The following DNM3 variants were observed in gnomAD, a reference collection of about 807,000 sequenced individuals.
The protein encoded by DNM3 is dynamin 3, also known as dynamin-3.
Under a neutral mutation model 101.6 loss-of-function variants are expected in DNM3, and 47 were observed. The ratio of observed to expected loss-of-function variants is 0.46; its 90% CI spans 0.37 to 0.59. DNM3 has a LOEUF of 0.59. Among genes scored for constraint, DNM3 ranks in the 20% least tolerant of loss-of-function variants. DNM3 has a pLI of 0.00. For missense variants in DNM3, 849 were observed against 1,085.7 expected (o/e 0.78, Z 3.06); for synonymous variants, 385 against 387.9 (o/e 0.99, Z 0.09).
intron 12 of DNM3, among the ~76,000 whole-genome samples, chr1:172,088,806 G>A (rs2147793103): frequency 6.6e-6 from 1 of 152,288 alleles, no homozygotes; most frequent in Middle Eastern, 3.4e-3. Context: ...CAATGGTATA[G>A]GATTTATTTG....
chr1:172,409,057 T>C lies in DNM3; in HGVS notation c.*1216T>C. 1.0e-6 allele frequency: 1 copy of C among 985,366 alleles called. No individual in the cohort carries two copies. 61.0% of individuals were successfully genotyped at this position (985,366 alleles called of 1,614,324 possible). A position where few individuals can be genotyped will look rare whatever the true frequency, so the allele number is the denominator to read the frequency against. On this transcript the variant is annotated 3_prime_UTR_variant, in exon 21 of 21. Transcript: ENST00000627582. ...TGCAATTTCTTAAGATTTCTAAAAT[T>C]TACCAGAACAGTTTAGCCTGGGGGT... is the stretch of plus-strand genomic sequence containing the variant.
chr1:172,022,978 C>T (rs574763933), intron 4 of DNM3, among the ~76,000 whole-genome samples: 26 of 152,180 alleles, frequency 1.7e-4, no homozygotes, highest in Non-Finnish European at 3.5e-4. Flanking sequence ...ATTCTTTCTT[C>T]CATGATATTG....
chr1:172,213,517 C>CAAAAAAAAAAAA (rs57339395), intron 14 of DNM3, among the ~76,000 whole-genome samples: 1 of 79,380 alleles, frequency 1.3e-5, no homozygotes, highest in African/African-American at 4.6e-5. Flanking sequence ...TCCATTGTTA[C>CAAAAAAAAAAAA]AAAAAAAAAA....
intron 16 of DNM3, 151 bp from the exon 17 acceptor site, chr1:172,323,178 A>G (rs1170394558): frequency 6.3e-6 from 5 of 787,444 alleles, no homozygotes; most frequent in Non-Finnish European, 9.8e-6. Context: ...GTGAATAGTT[A>G]AATCATTTGT....
At chr1:171,955,668 T>C (rs1259306287) in intron 2 of DNM3, among the ~76,000 whole-genome samples, 1 of 152,142 alleles carries the variant, frequency 6.6e-6, no homozygotes, top group Admixed American at 6.5e-5. Flanking sequence ...GAGGCATAGG[T>C]AGCATTAAAG....
At chr1:172,066,080 A>T (rs746089345) in intron 10 of DNM3, among the ~76,000 whole-genome samples, 13 of 152,156 alleles carry the variant, frequency 8.5e-5, no homozygotes, top group Non-Finnish European at 1.5e-4. Context: ...GGAGGCCTAG[A>T]TCTAACTCCT....
At chr1:172,331,823 C>A (rs772144849) in intron 17 of DNM3, among the ~76,000 whole-genome samples, 7 of 151,944 alleles carry the variant, frequency 4.6e-5, no homozygotes, top group East Asian at 1.9e-4. Flanking sequence ...TGAGTTCTTA[C>A]AAATTAATAA....
chr1:172,205,561 A>G (rs1248543810), intron 14 of DNM3, among the ~76,000 whole-genome samples: 2 of 152,128 alleles, frequency 1.3e-5, no homozygotes, highest in Admixed American at 6.6e-5. Flanking sequence ...TTTTTGTGAA[A>G]AAAATCTGTA....
intron 17 of DNM3, among the ~76,000 whole-genome samples, chr1:172,354,218 C>T (rs1360586357): frequency 6.6e-6 from 1 of 151,642 alleles, no homozygotes; most frequent in African/African-American, 2.4e-5. Flanking sequence ...AAACCGGGTT[C>T]TTGAGTTCTT....
intron 12 of DNM3, among the ~76,000 whole-genome samples, chr1:172,088,667 C>G (rs926441672): frequency 1.3e-5 from 2 of 152,188 alleles, no homozygotes; most frequent in Non-Finnish European, 2.9e-5. Context: ...TAATACCAGT[C>G]TATTCTCTTG....
intron 4 of DNM3, among the ~76,000 whole-genome samples, chr1:172,011,298 T>G (rs2047109347): frequency 6.6e-6 from 1 of 151,892 alleles, no homozygotes; most frequent in Non-Finnish European, 1.5e-5. Flanking sequence ...TCCCCTGCCA[T>G]GCATGTAGAA....
intron 14 of DNM3, among the ~76,000 whole-genome samples, chr1:172,172,979 C>T (rs1368789796): frequency 1.3e-5 from 2 of 151,810 alleles, no homozygotes; most frequent in African/African-American, 2.4e-5. Context: ...GTGCTATGCA[C>T]ATAAAAAGAT....
intron 13 of DNM3, among the ~76,000 whole-genome samples, chr1:172,123,362 A>G (rs1231480384): frequency 1.3e-5 from 2 of 152,116 alleles, no homozygotes; most frequent in Admixed American, 6.5e-5. Flanking sequence ...TCTATTTTCT[A>G]CCATATAGCT....
chr1:171,855,879 C>T (rs1256977426), intron 1 of DNM3, among the ~76,000 whole-genome samples: 1 of 152,106 alleles, frequency 6.6e-6, no homozygotes, highest in African/African-American at 2.4e-5. Context: ...TAATTAGAAT[C>T]CCTCTTGTCA....
intron 14 of DNM3, among the ~76,000 whole-genome samples, chr1:172,172,479 T>C (rs2058998914): frequency 6.6e-6 from 1 of 151,744 alleles, no homozygotes. Flanking sequence ...TTCATCATGC[T>C]ACTCAGATTG....
At chr1:172,195,271 T>A (rs148560301) in intron 14 of DNM3, among the ~76,000 whole-genome samples, 135 of 152,084 alleles carry the variant, frequency 8.9e-4, no homozygotes, top group African/African-American at 3.2e-3. Context: ...TGTATATTAA[T>A]CTTGAATCTT....
intron 14 of DNM3, among the ~76,000 whole-genome samples, chr1:172,159,932 T>C (rs1379967210): frequency 6.6e-6 from 1 of 151,972 alleles, no homozygotes; most frequent in Non-Finnish European, 1.5e-5. Context: ...TATAGCCCAT[T>C]GCCCCTAGGC....
At chr1:171,854,144 G>A (rs193016748) in intron 1 of DNM3, among the ~76,000 whole-genome samples, 2 of 152,292 alleles carry the variant, frequency 1.3e-5, no homozygotes, top group East Asian at 3.9e-4. Context: ...CTAGCATAGA[G>A]TGTAGTCAGA....
At chr1:171,900,944 T>A (rs1405690253) in intron 1 of DNM3, among the ~76,000 whole-genome samples, 1 of 143,902 alleles carries the variant, frequency 6.9e-6, no homozygotes, top group Non-Finnish European at 1.5e-5. Flanking sequence ...CAGTCTCTAC[T>A]AAAAAAAAAA....
Sources: gnomAD v4.1 joint callset for allele counts (sites outside exome capture counted in the v4.1 genomes callset) on GRCh38, gnomAD v4.1.1 for gene constraint, MANE v1.5 for transcripts, NCBI Gene and HGNC (gene_info 2026-07-23, HGNC 2026-07-21) for gene names.